The following VTI1A variants were observed in gnomAD, a reference collection of about 807,000 sequenced individuals.
VTI1A encodes vesicle transport through interaction with t-SNAREs 1A, also known as vesicle transport through interaction with t-SNAREs homolog 1A.
In VTI1A, 22 loss-of-function variants were observed where a neutral mutation model predicts 34.9. The ratio of observed to expected loss-of-function variants is 0.63; its 90% CI spans 0.45 to 0.90. The LOEUF (loss-of-function observed/expected upper bound fraction) is 0.90. VTI1A is among the 40% of genes least tolerant of loss of function. The pLI is 0.00. For missense variants in VTI1A, 268 were observed against 275.6 expected (o/e 0.97, Z 0.20); for synonymous variants, 87 against 97.3 (o/e 0.89, Z 0.62).
chr10:112,671,821 T>G (rs1847860026), intron 7 of VTI1A: 1 of 152,250 alleles, frequency 6.6e-6, no homozygotes, highest in Admixed American at 6.5e-5. Context: ...TGCTTTTTAA[T>G]ATTTTATTAA....
intron 5 of VTI1A, among the ~76,000 whole-genome samples, chr10:112,633,167 A>AGAGGAGAGGTCTGATGGT (rs1846204589): frequency 6.6e-6 from 1 of 152,154 alleles, no homozygotes; most frequent in Non-Finnish European, 1.5e-5. Context: ...GGTCTGAAGG[A>AGAGGAGAGGTCTGATGGT]GAGGAGAGGT....
chr10:112,533,572 T>C, intron 4 of VTI1A: 7 of 1,007,222 alleles, frequency 6.9e-6, no homozygotes, highest in Non-Finnish European at 8.3e-6. Context: ...CTAGCTTCTT[T>C]TTTTTTTTTA....
At chr10:112,608,314 A>T (rs775654591) in intron 5 of VTI1A, among the ~76,000 whole-genome samples, 8 of 152,234 alleles carry the variant, frequency 5.3e-5, no homozygotes, top group Non-Finnish European at 8.8e-5. Flanking sequence ...AAAACCAGCT[A>T]TTTAAAACAG....
intron 7 of VTI1A, among the ~76,000 whole-genome samples, chr10:112,743,605 T>C (rs1052117101): frequency 6.6e-6 from 1 of 152,100 alleles, no homozygotes; most frequent in African/African-American, 2.4e-5. Context: ...AGGGGGGAGA[T>C]ATTTCATGCC....
intron 7 of VTI1A, among the ~76,000 whole-genome samples, chr10:112,785,578 C>A (rs908080707): frequency 6.6e-6 from 1 of 152,044 alleles, no homozygotes; most frequent in Non-Finnish European, 1.5e-5. Context: ...AAATCTTTGC[C>A]TGTCCCAAGG....
intron 3 of VTI1A, among the ~76,000 whole-genome samples, chr10:112,499,847 T>C (rs111728453): frequency 1.3e-5 from 2 of 152,274 alleles, no homozygotes; most frequent in African/African-American, 4.8e-5. Context: ...TCTCCCTCCA[T>C]CTTCACTGTT....
At chr10:112,694,696 G>T (rs372266843) in intron 7 of VTI1A, among the ~76,000 whole-genome samples, 2 of 151,990 alleles carry the variant, frequency 1.3e-5, no homozygotes, top group African/African-American at 4.8e-5. Flanking sequence ...AGCTGGGCAC[G>T]GTGGATCAAG....
At chr10:112,830,838 TATATATATA>T in the VTI1A span, among the ~76,000 whole-genome samples, 1 of 49,616 alleles carries the variant, frequency 2.0e-5, no homozygotes, top group Admixed American at 2.6e-4. Flanking sequence ...TATATATATA[TATATATATA>T]TATTTTTTTT....
At chr10:112,769,965 G>A (rs1851756710) in intron 7 of VTI1A, among the ~76,000 whole-genome samples, 1 of 152,112 alleles carries the variant, frequency 6.6e-6, no homozygotes, top group Non-Finnish European at 1.5e-5. Context: ...ATAGGGGCAT[G>A]TAGGCCCACT....
chr10:112,757,092 A>G (rs897907925), intron 7 of VTI1A, among the ~76,000 whole-genome samples: 2 of 151,796 alleles, frequency 1.3e-5, no homozygotes, highest in African/African-American at 2.4e-5. Context: ...TTCAACAAAT[A>G]CTAATTCAGA....
At chr10:112,557,837 T>G (rs1851589179) in intron 5 of VTI1A, among the ~76,000 whole-genome samples, 1 of 152,202 alleles carries the variant, frequency 6.6e-6, no homozygotes, top group African/African-American at 2.4e-5. Context: ...AAAGGAGGAC[T>G]TCTTCTCCAG....
At chr10:112,671,724 A>T (rs1027511323) in intron 7 of VTI1A, 5 of 149,716 alleles carry the variant, frequency 3.3e-5, no homozygotes, top group African/African-American at 1.2e-4. Flanking sequence ...AAAACTGACC[A>T]AAAGGAATTG....
chr10:112,675,729 C>A (rs1018731581), intron 7 of VTI1A, among the ~76,000 whole-genome samples: 1 of 152,194 alleles, frequency 6.6e-6, no homozygotes, highest in African/African-American at 2.4e-5. Flanking sequence ...GAGTCTTATC[C>A]TTGCTGGAGC....
chr10:112,594,470 G>C (rs756800420), intron 5 of VTI1A, among the ~76,000 whole-genome samples: 1 of 151,918 alleles, frequency 6.6e-6, no homozygotes, highest in Admixed American at 6.6e-5. Context: ...AAAGTCTCAG[G>C]ATACAAAATC....
intron 5 of VTI1A, among the ~76,000 whole-genome samples, chr10:112,585,704 C>T (rs1262424050): frequency 2.1e-5 from 3 of 146,124 alleles, no homozygotes; most frequent in South Asian, 2.2e-4. Context: ...CATACACCCT[C>T]GCCGCCTCTT....
At chr10:112,556,603 T>C (rs1468319194) in intron 5 of VTI1A, among the ~76,000 whole-genome samples, 1 of 152,054 alleles carries the variant, frequency 6.6e-6, no homozygotes, top group Non-Finnish European at 1.5e-5. Flanking sequence ...TAAGTTTTCA[T>C]GAGGACTCTT....
At chr10:112,810,556 C>T (rs1295140116) in intron 7 of VTI1A, among the ~76,000 whole-genome samples, 3 of 152,118 alleles carry the variant, frequency 2.0e-5, no homozygotes, top group Non-Finnish European at 4.4e-5. Context: ...ATCCACACAC[C>T]AAACTGTCCA....
intron 7 of VTI1A, among the ~76,000 whole-genome samples, chr10:112,679,345 T>C (rs1329699784): frequency 2.0e-5 from 3 of 152,246 alleles, no homozygotes; most frequent in Non-Finnish European, 4.4e-5. Flanking sequence ...TGAAGAAATA[T>C]ATTCCATACT....
intron 5 of VTI1A, among the ~76,000 whole-genome samples, chr10:112,567,427 A>G (rs1851945790): frequency 6.6e-6 from 1 of 152,216 alleles, no homozygotes; most frequent in Non-Finnish European, 1.5e-5. Context: ...GTGAAAATTT[A>G]TTATTGCTCA....
Sources: gnomAD v4.1 joint callset for allele counts (sites outside exome capture counted in the v4.1 genomes callset) on GRCh38, gnomAD v4.1.1 for gene constraint, MANE v1.5 for transcripts, NCBI Gene and HGNC (gene_info 2026-07-23, HGNC 2026-07-21) for gene names.